Variants in MPRIP observed in about 807,000 individuals in gnomAD.
MPRIP encodes myosin phosphatase Rho-interacting protein.
In MPRIP, 59 loss-of-function variants were observed where a neutral mutation model predicts 234.9. That is an observed-to-expected ratio of 0.25 (90% CI 0.20 to 0.31). The LOEUF (loss-of-function observed/expected upper bound fraction) is 0.31. Among genes scored for constraint, MPRIP ranks in the 10% least tolerant of loss-of-function variants. The pLI is 1.00. For missense variants in MPRIP, 2,436 were observed against 3,071.0 expected, an observed-to-expected ratio of 0.79 and a Z score of 4.89; for synonymous variants, 1,144 against 1,263.9, an observed-to-expected ratio of 0.91 and a Z score of 2.01.
chr17:17,180,978 TCTGTCACGAGG>T (rs1184137284), intron 23 of MPRIP, among the ~76,000 whole-genome samples: 1 of 152,198 alleles, frequency 6.6e-6, no homozygotes, highest in Non-Finnish European at 1.5e-5. Context: ...TGTCTTGCCC[TCTGTCACGAGG>T]TGGAATTTAC....
At chr17:17,145,981 AC>A in intron 9 of MPRIP, 54 bp from the exon 10 acceptor site, 4 of 1,539,098 alleles carry the variant, frequency 2.6e-6, no homozygotes, top group Non-Finnish European at 3.6e-6. Flanking sequence ...CCCATCAGAC[AC>A]TCATGACACT....
chr17:17,173,654 G>T, intron 18 of MPRIP: 1 of 601,504 alleles, frequency 1.7e-6, no homozygotes, highest in Non-Finnish European at 3.0e-6. Flanking sequence ...GTTCTGTGTG[G>T]CTGCAGACTG....
At chr17:17,083,766 A>T (rs2089520871) in intron 3 of MPRIP, among the ~76,000 whole-genome samples, 2 of 151,946 alleles carry the variant, frequency 1.3e-5, no homozygotes, top group Admixed American at 1.3e-4. Flanking sequence ...TGTTTTTGAG[A>T]TGGAGTCTCA....
intron 13 of MPRIP, 62 bp downstream of exon 13, chr17:17,154,477 G>T (rs1232136072): frequency 7.0e-7 from 1 of 1,428,488 alleles, no homozygotes; most frequent in Non-Finnish European, 9.9e-7. Flanking sequence ...TCCCGCCAGG[G>T]CAGTGTCAGA....
At chr17:17,045,909 C>T (rs1388928454) in intron 1 of MPRIP, among the ~76,000 whole-genome samples, 1 of 151,868 alleles carries the variant, frequency 6.6e-6, no homozygotes, top group African/African-American at 2.4e-5. Context: ...AGGTTCATGC[C>T]ATTCTTCTGC....
At chr17:17,126,237 C>G (rs1441221001) in intron 3 of MPRIP, among the ~76,000 whole-genome samples, 1 of 152,186 alleles carries the variant, frequency 6.6e-6, no homozygotes, top group East Asian at 1.9e-4. Context: ...TTGGCCGCCT[C>G]TAAAGAAGGC....
chr17:17,053,033 T>C (rs2088588837), intron 1 of MPRIP, among the ~76,000 whole-genome samples: 1 of 151,828 alleles, frequency 6.6e-6, no homozygotes, highest in Non-Finnish European at 1.5e-5. Context: ...GTCTCCTGGG[T>C]CTCCTGATGC....
intron 12 of MPRIP, among the ~76,000 whole-genome samples, chr17:17,153,229 G>A (rs148040682): frequency 9.8e-5 from 15 of 152,300 alleles, no homozygotes; most frequent in East Asian, 5.8e-4. Context: ...TTTGTGGCAC[G>A]TCAGGCCGGT....
In MPRIP at chr17:17,136,542, C is replaced by G. The variant is rs1039404995; in HGVS notation, c.736+92C>G. On this transcript the variant is annotated intron_variant, in intron 6 of 23. Coordinates refer to ENST00000651222, the MANE Select transcript of MPRIP (RefSeq NM_001364716.4). ...GGGATTCAGCCAAGGCCTGTAGAGCCCAGTCGCAAGCCTGGACCTCGATTC... is the reference window on the plus strand; with the variant it reads ...GGGATTCAGCCAAGGCCTGTAGAGCGCAGTCGCAAGCCTGGACCTCGATTC... 7.2e-6 allele frequency: 9 copies of G among 1,258,214 alleles called. No individual in the cohort carries two copies. The African/African-American group carries it at 1.0e-4, about 15-fold the overall frequency. The allele number at this position is 1,258,214 out of a possible 1,614,324, so 77.9% of individuals were successfully genotyped here.
intron 3 of MPRIP, among the ~76,000 whole-genome samples, chr17:17,088,247 A>G (rs952440935): frequency 3.3e-5 from 5 of 152,204 alleles, no homozygotes; most frequent in African/African-American, 1.2e-4. Context: ...GCAGCCAGGA[A>G]GATGGGCTGT....
intron 3 of MPRIP, among the ~76,000 whole-genome samples, chr17:17,123,720 AAAAAG>A (rs963990721): frequency 3.3e-5 from 5 of 151,318 alleles, no homozygotes; most frequent in African/African-American, 1.2e-4. Context: ...AAAAAAAAAA[AAAAAG>A]AAAGAAAAAA....
Position 17,164,107 on chromosome 17 carries a change from AG to A in MPRIP, c.2518-1del. The A allele has an allele frequency of 6.1e-6, 8 of 1,304,054 alleles. No individual in the cohort carries two copies. The highest frequency in any genetic ancestry group is 7.1e-6 in the Non-Finnish European group (7 of 988,950). The allele number at this position is 1,304,054 out of a possible 1,614,324, so 80.8% of individuals were successfully genotyped here. ...AACCAGTATTTAATCGGTTTTTTTAAGACTGAAGTGGCCGCCTCCCCATCGG... is the reference window on the plus strand; with the variant it reads ...AACCAGTATTTAATCGGTTTTTTTAAACTGAAGTGGCCGCCTCCCCATCGG... On this transcript the variant is annotated splice_acceptor_variant, in intron 15 of 23. Coordinates refer to ENST00000651222, the MANE Select transcript of MPRIP (RefSeq NM_001364716.4). LOFTEE classifies it high-confidence loss of function.
Position 17,078,797 on chromosome 17 carries a change from A to C in MPRIP, c.267+721A>C, listed in dbSNP as rs148777785. On this transcript the variant is annotated intron_variant, in intron 3 of 23. Coordinates refer to ENST00000651222, the MANE Select transcript of MPRIP (RefSeq NM_001364716.4). The surrounding 1 kb of genome is among the most constrained non-coding windows in gnomAD (Gnocchi z 4.3). Reference sequence around the variant, plus strand: ...GAGATTAGTCTCTCCTAATTAATCTAAAGTAGGACTGCATTCCAAACTTTG... The same window carrying C: ...GAGATTAGTCTCTCCTAATTAATCTCAAGTAGGACTGCATTCCAAACTTTG... Among the ~76,000 whole-genome samples, 173 of 152,316 alleles carry C rather than the reference A, an allele frequency of 1.1e-3. No individual in the cohort carries two copies. The highest frequency in any genetic ancestry group is 4.1e-3 in the African/African-American group (169 of 41,570).
chr17:17,130,775 C>A lies in MPRIP; in HGVS notation c.420-842C>A, dbSNP rs2144417331. Among the ~76,000 whole-genome samples the A allele has an allele frequency of 2.6e-5, 4 of 152,236 alleles. No homozygotes were observed. In the Middle Eastern group the frequency reaches 0.01, roughly 388 times the overall value. ...CCTACACTGCCCTCCGCTCCTCCCA[C>A]CCCCGTCGTCTAGCCCCCACAGGAC... On this transcript the variant is annotated intron_variant, in intron 4 of 23. Coordinates refer to ENST00000651222, the MANE Select transcript of MPRIP (RefSeq NM_001364716.4).
intron 1 of MPRIP, among the ~76,000 whole-genome samples, chr17:17,055,060 A>G (rs1597721582): frequency 1.3e-5 from 2 of 152,044 alleles, no homozygotes; most frequent in East Asian, 3.8e-4. Flanking sequence ...AAAAAAAAAA[A>G]AAAATTTCTT....
At position 17,136,229 on chromosome 17, in the gene MPRIP, C is replaced by G. The variant is rs2090692433; in HGVS notation, c.515C>G (p.Pro172Arg). Residue 172 changes from proline to arginine, a missense_variant, in exon 6 of 24, where the codon CCT becomes CGT. This residue lies in a region of MPRIP where 31 missense variants were observed against 90.7 expected (regional missense o/e 0.34). Transcript: ENST00000651222. ...VEPPTPQEPG[P>R]AKVAVTSSSS... ...TTTCTCCTCCTCCAGGAGCCTGGGC[C>G]TGCCAAGGTGGCTGTTACCAGCAGC... is the stretch of plus-strand genomic sequence containing the variant. 6.2e-7 allele frequency: 1 copy of G among 1,611,142 alleles called. No individual in the cohort carries two copies. Among genetic ancestry groups the G allele is most frequent in the African/African-American group, 1.4e-5 (1 of 73,864 alleles).
At chr17:17,179,958 G>A in intron 22 of MPRIP, 45 bp from the exon 23 acceptor site, 2 of 1,506,376 alleles carry the variant, frequency 1.3e-6, no homozygotes, top group Non-Finnish European at 1.8e-6. Flanking sequence ...GAGGGTTTTA[G>A]AAAGCAAAGG....
chr17:17,173,134 C>A (rs573429866), intron 18 of MPRIP, among the ~76,000 whole-genome samples: 94 of 152,390 alleles, frequency 6.2e-4, no homozygotes, highest in Non-Finnish European at 1.2e-3. Flanking sequence ...GCTAGCCCAC[C>A]AGGAGCCAGG....
At chr17:17,144,444 T>C (rs1480044708) in intron 9 of MPRIP, among the ~76,000 whole-genome samples, 1 of 152,218 alleles carries the variant, frequency 6.6e-6, no homozygotes, top group Non-Finnish European at 1.5e-5. Context: ...TGGGAGCGCC[T>C]TCCCCAACAG....
Sources: allele counts gnomAD v4.1 joint callset (sites outside exome capture counted in the v4.1 genomes callset), GRCh38; gene constraint gnomAD v4.1.1; regional missense constraint gnomAD v4.1.1; non-coding constraint Gnocchi (gnomAD v3.1); transcripts MANE v1.5; gene names NCBI Gene and HGNC (gene_info 2026-07-23, HGNC 2026-07-21).